The following BCAR3 variants were observed in gnomAD, a reference collection of about 807,000 sequenced individuals.
BCAR3 encodes breast cancer anti-estrogen resistance protein 3.
BCAR3 carries 37 observed loss-of-function variants against 80.1 expected under a neutral mutation model. The ratio of observed to expected loss-of-function variants is 0.46; its 90% CI spans 0.36 to 0.61. The LOEUF is 0.61. Among genes scored for constraint, BCAR3 ranks in the 20% least tolerant of loss-of-function variants. BCAR3 has a pLI of 0.00. For missense variants in BCAR3, 978 were observed against 1,068.2 expected, an observed-to-expected ratio of 0.92 and a Z score of 1.18; for synonymous variants, 389 against 418.9, an observed-to-expected ratio of 0.93 and a Z score of 0.87.
chr1:93,821,294 C>T (rs74101576), intron 2 of BCAR3, among the ~76,000 whole-genome samples: 21,708 of 152,014 alleles, frequency 0.14, 2,538 homozygotes, highest in African/African-American at 0.31. Context: ...CCTGCAGAGG[C>T]CAGGAGCAAA....
At chr1:93,703,315 C>T (rs999793060) in intron 3 of BCAR3, among the ~76,000 whole-genome samples, 2 of 152,168 alleles carry the variant, frequency 1.3e-5, no homozygotes, top group African/African-American at 4.8e-5. Flanking sequence ...GTGGCTCACA[C>T]CTGTAATCCC....
intron 5 of BCAR3, among the ~76,000 whole-genome samples, chr1:93,584,416 A>C (rs1485610165): frequency 1.3e-5 from 2 of 152,176 alleles, no homozygotes; most frequent in Non-Finnish European, 2.9e-5. Flanking sequence ...GAGTAGGGTA[A>C]AAGTTTTACG....
chr1:93,582,260 C>T (rs1197245455), intron 7 of BCAR3, 41 bp downstream of exon 7: 3 of 1,584,746 alleles, frequency 1.9e-6, no homozygotes, highest in Non-Finnish European at 2.6e-6. Flanking sequence ...TCTTACCAAA[C>T]CTTGAAAAGC....
intron 3 of BCAR3, among the ~76,000 whole-genome samples, chr1:93,628,883 ATACT>A (rs1465737059): frequency 6.6e-6 from 1 of 152,232 alleles, no homozygotes; most frequent in East Asian, 1.9e-4. Context: ...GACTCAACAA[ATACT>A]TACTAAATGA....
chr1:93,716,390 A>C (rs1040405785), intron 2 of BCAR3, among the ~76,000 whole-genome samples: 1 of 152,212 alleles, frequency 6.6e-6, no homozygotes, highest in Admixed American at 6.5e-5. Context: ...CTACTTTGCC[A>C]CTAATATTGT....
At chr1:93,566,651 G>A (rs1162748707) in intron 11 of BCAR3, among the ~76,000 whole-genome samples, 2 of 152,094 alleles carry the variant, frequency 1.3e-5, no homozygotes, top group South Asian at 2.1e-4. Flanking sequence ...GATAAATGAG[G>A]TCTGGATAAA....
intron 3 of BCAR3, among the ~76,000 whole-genome samples, chr1:93,635,327 GTTT>G (rs996075069): frequency 4.0e-5 from 6 of 149,220 alleles, no homozygotes; most frequent in African/African-American, 1.6e-4. Context: ...GTTGTCTCCA[GTTT>G]TTGTTTTTGT....
intron 2 of BCAR3, among the ~76,000 whole-genome samples, chr1:93,810,190 C>T (rs1269363387): frequency 5.0e-5 from 5 of 100,814 alleles, no homozygotes; most frequent in Admixed American, 3.0e-4. Flanking sequence ...AAGACTCCAT[C>T]TCAAAAAAAA....
Position 93,681,727 on chromosome 1 carries a change from TCCGCGGGGCGTGCCCG to T in BCAR3, c.-157_-142del, listed in dbSNP as rs1648775355. Reference sequence around the variant, plus strand: ...CTCCCGGAGCTGGGGACGCTCATGGTCCGCGGGGCGTGCCCGCCGAGAATCCCGCGCGCGTCTAGCC... The same window carrying T: ...CTCCCGGAGCTGGGGACGCTCATGGTCCGAGAATCCCGCGCGCGTCTAGCC... On this transcript the variant is annotated 5_prime_UTR_variant, in exon 1 of 12. Transcript: ENST00000260502. 6.6e-6 allele frequency: 1 copy of T among 151,516 alleles called. No individual in the cohort carries two copies. Among genetic ancestry groups the T allele is most frequent in the South Asian group, 2.1e-4 (1 of 4,828 alleles). 9.4% of individuals were successfully genotyped at this position (151,516 alleles called of 1,614,324 possible). A position where few individuals can be genotyped will look rare whatever the true frequency, so the allele number is the denominator to read the frequency against.
intron 3 of BCAR3, among the ~76,000 whole-genome samples, chr1:93,607,611 A>T (rs1178118879): frequency 7.0e-6 from 1 of 143,338 alleles, no homozygotes; most frequent in Admixed American, 7.0e-5. Context: ...CACTGCCCTT[A>T]AAAAAAAAAA....
chr1:93,684,650 A>C (rs1415714042), upstream of BCAR3, among the ~76,000 whole-genome samples: 2 of 152,234 alleles, frequency 1.3e-5, no homozygotes, highest in African/African-American at 4.8e-5. Context: ...TCATTCAATA[A>C]ATACTTGTCG....
At chr1:93,575,687 A>G (rs1234950121) in intron 8 of BCAR3, among the ~76,000 whole-genome samples, 3 of 152,222 alleles carry the variant, frequency 2.0e-5, no homozygotes, top group Non-Finnish European at 4.4e-5. Context: ...CTGGGGCCCC[A>G]GCTCTGCCCC....
At chr1:93,641,632 AT>A in intron 3 of BCAR3, among the ~76,000 whole-genome samples, 1 of 152,244 alleles carries the variant, frequency 6.6e-6, no homozygotes, top group South Asian at 2.1e-4. Flanking sequence ...GAAGGGTTGA[AT>A]ACTTAGAAGC....
At chr1:93,838,169 T>G (rs1271909710) in intron 2 of BCAR3, among the ~76,000 whole-genome samples, 2 of 152,208 alleles carry the variant, frequency 1.3e-5, no homozygotes, top group African/African-American at 2.4e-5. Flanking sequence ...GGGTAATTCA[T>G]AAAGAAAAGA....
chr1:93,582,537 C>G lies in BCAR3; in HGVS notation c.1450G>C (p.Glu484Gln). The change falls in exon 7 of 12, where the codon GAA (glutamate) becomes CAA (glutamine). Residue 484 changes from glutamate to glutamine, a missense_variant. By Grantham distance (29) the Glu-to-Gln change is conservative. Coordinates refer to ENST00000260502, the MANE Select transcript of BCAR3 (RefSeq NM_003567.4). ...GCTGCCGCAGGTTCCCAAGGTCTTTCCCTGTCATCATCATCAAGGATCAAG... is the reference window on the plus strand; with the variant it reads ...GCTGCCGCAGGTTCCCAAGGTCTTTGCCTGTCATCATCATCAAGGATCAAG... The part of the protein sequence containing the change: ...NYLILDDDDR[E>Q]RPWEPAAAQM... 6.2e-7 allele frequency: 1 copy of G among 1,613,760 alleles called. No individual in the cohort carries two copies. Among genetic ancestry groups the G allele is most frequent in the Non-Finnish European group, 8.5e-7 (1 of 1,179,878 alleles).
At chr1:93,789,826 A>G (rs1471988368) in intron 2 of BCAR3, among the ~76,000 whole-genome samples, 1 of 152,222 alleles carries the variant, frequency 6.6e-6, no homozygotes, top group African/African-American at 2.4e-5. Context: ...CAGGATTGCA[A>G]TTAGGATTAT....
At chr1:93,720,876 C>A (rs1650370088) in intron 2 of BCAR3, among the ~76,000 whole-genome samples, 3 of 152,144 alleles carry the variant, frequency 2.0e-5, no homozygotes, top group African/African-American at 7.2e-5. Flanking sequence ...TGCCGGAACT[C>A]CCAGGCCCTG....
intron 2 of BCAR3, among the ~76,000 whole-genome samples, chr1:93,724,619 G>A (rs1650517231): frequency 6.6e-6 from 1 of 152,154 alleles, no homozygotes; most frequent in African/African-American, 2.4e-5. Context: ...GAGCTACCTG[G>A]CTCCCCTCCT....
chr1:93,638,852 G>A (rs1404815199), intron 3 of BCAR3, among the ~76,000 whole-genome samples: 1 of 152,146 alleles, frequency 6.6e-6, no homozygotes, highest in African/African-American at 2.4e-5. Context: ...CTGAGCTACT[G>A]TGGGGGGAAA....
Sources: gnomAD v4.1 joint callset for allele counts (sites outside exome capture counted in the v4.1 genomes callset) on GRCh38, gnomAD v4.1.1 for gene constraint, MANE v1.5 for transcripts, NCBI Gene and HGNC (gene_info 2026-07-23, HGNC 2026-07-21) for gene names.